OR1L6: variants seen among roughly 807,000 people sequenced by gnomAD.
The protein encoded by OR1L6 is olfactory receptor family 1 subfamily L member 6.
Under a neutral mutation model 3.0 loss-of-function variants are expected in OR1L6, and 2 were observed. The observed-to-expected ratio is 0.68, with a 90% CI of 0.28 to 2.13. The LOEUF is 2.13. OR1L6 is among the 30% of genes most tolerant of loss of function. OR1L6 has a pLI of 0.14. For synonymous variants in OR1L6, 121 were observed against 148.4 expected (o/e 0.82, Z 1.34); for missense variants, 304 against 378.4 (o/e 0.80, Z 1.63).
chr9:122,750,007 C>T lies in OR1L6; in HGVS notation c.160C>T (p.Pro54Ser), dbSNP rs1828874347. Residue 54 changes from proline to serine, a missense_variant, in exon 2 of 2, where the codon CCC becomes TCC. Pro to Ser is a moderately conservative substitution (Grantham distance 74, BLOSUM62 -1). This residue lies in a region of OR1L6 where 192 missense variants were observed against 242.7 expected (regional missense o/e 0.79). Coordinates refer to ENST00000304720, the MANE Select transcript of OR1L6 (RefSeq NM_001004453.3). ...CATCATCCCGGCCATCTACTCTGAC[C>T]CCAGGCTCCACACCCCTATGTACTT... ...VLIIPAIYSD[P>S]RLHTPMYFFL... is the part of the protein sequence containing the mutation. 1.2e-6 allele frequency: 2 copies of T among 1,614,110 alleles called. No individual in the cohort carries two copies. The highest frequency in any genetic ancestry group is 2.2e-5 in the South Asian group (2 of 91,070).
At position 122,750,732 on chromosome 9, in the gene OR1L6, C is replaced by A. The variant is rs758814248; in HGVS notation, c.885C>A (p.Asn295Lys). The A allele has an allele frequency of 6.2e-7, 1 of 1,612,354 alleles. No homozygotes were observed. Among genetic ancestry groups the A allele is most frequent in the East Asian group, 2.2e-5 (1 of 44,864 alleles). Residue 295 changes from asparagine (N) to lysine (K), a missense_variant, in exon 2 of 2, where the codon AAC (asparagine) becomes AAA (lysine). Physicochemically the swap from Asn to Lys is moderately conservative, Grantham distance 94. Around this residue, in one of 3 missense-constraint regions of OR1L6, gnomAD observed 91 missense variants for 87.8 expected, o/e 1.04. Coordinates refer to ENST00000304720, the MANE Select transcript of OR1L6 (RefSeq NM_001004453.3). Reference protein sequence around the residue: ...MLNPFIYSLRNKDMKRGLKKL... With the variant: ...MLNPFIYSLRKKDMKRGLKKL... ...ACCCTTTCATCTACAGCCTGAGGAACAAAGATATGAAGAGGGGTTTGAAGA... is the reference window on the plus strand; with the variant it reads ...ACCCTTTCATCTACAGCCTGAGGAAAAAAGATATGAAGAGGGGTTTGAAGA...
chr9:122,744,823 C>T (rs906830512), intron 1 of OR1L6, among the ~76,000 whole-genome samples: 2 of 152,226 alleles, frequency 1.3e-5, no homozygotes, highest in African/African-American at 4.8e-5. Flanking sequence ...TGTGCACCAT[C>T]ATCTATTTGG....
At position 122,750,700 on chromosome 9, in the gene OR1L6, A is replaced by C; in HGVS notation, c.853A>C (p.Met285Leu). Reference sequence around the variant, plus strand: ...AGTTATGTACACAGTAGTGACACCCATGCTGAACCCTTTCATCTACAGCCT... The same window carrying C: ...AGTTATGTACACAGTAGTGACACCCCTGCTGAACCCTTTCATCTACAGCCT... The part of the protein sequence containing the change: ...ATVMYTVVTP[M>L]LNPFIYSLRN... Residue 285 changes from methionine to leucine, a missense_variant, in exon 2 of 2, where the codon ATG becomes CTG. By Grantham distance (15) the Met-to-Leu change is conservative. This residue lies in a region of OR1L6 where 91 missense variants were observed against 87.8 expected (regional missense o/e 1.04). Transcript: ENST00000304720. The C allele has an allele frequency of 6.2e-7, 1 of 1,613,806 alleles. No homozygotes were observed. Among genetic ancestry groups the C allele is most frequent in the Non-Finnish European group, 8.5e-7 (1 of 1,180,026 alleles).
At chr9:122,745,517 A>G (rs1405560839) in intron 1 of OR1L6, among the ~76,000 whole-genome samples, 1 of 138,066 alleles carries the variant, frequency 7.2e-6, no homozygotes, top group East Asian at 2.3e-4. Context: ...GGTTCAAGCC[A>G]TTCTCCTGCC....
chr9:122,749,995 A>G lies in OR1L6; in HGVS notation c.148A>G (p.Ile50Val). 1 of 1,614,082 alleles carries G rather than the reference A, an allele frequency of 6.2e-7. No homozygotes were observed. Among genetic ancestry groups the G allele is most frequent in the Non-Finnish European group, 8.5e-7 (1 of 1,180,006 alleles). The change falls in exon 2 of 2, where the codon ATC (isoleucine) becomes GTC (valine). Residue 50 changes from isoleucine to valine, a missense_variant. Ile to Val is a conservative substitution (Grantham distance 29). Around this residue, in one of 3 missense-constraint regions of OR1L6, gnomAD observed 192 missense variants for 242.7 expected, o/e 0.79. Coordinates refer to ENST00000304720, the MANE Select transcript of OR1L6 (RefSeq NM_001004453.3). ...GGGGAATGTGCTCATCATCCCGGCC[A>G]TCTACTCTGACCCCAGGCTCCACAC... Reference protein sequence around the residue: ...AVGNVLIIPAIYSDPRLHTPM... With the variant: ...AVGNVLIIPAVYSDPRLHTPM...
Position 122,743,797 on chromosome 9 carries a change from C to T in OR1L6, c.-14+1424C>T, listed in dbSNP as rs553524348. On this transcript the variant is annotated intron_variant, in intron 1 of 1. Transcript: ENST00000304720. ...CTTTGTGGAATTGGAGGCAGAAATGCGTGTAGGAAGGAAGGAAATCAAAAG... is the reference window on the plus strand; with the variant it reads ...CTTTGTGGAATTGGAGGCAGAAATGTGTGTAGGAAGGAAGGAAATCAAAAG... Among the ~76,000 whole-genome samples, 11 of 152,098 alleles carry T rather than the reference C, an allele frequency of 7.2e-5. No homozygotes were observed. The South Asian group carries it at 2.1e-3, about 29-fold the overall frequency.
At chr9:122,745,408 C>CTTT (rs71892392) in intron 1 of OR1L6, among the ~76,000 whole-genome samples, 4,803 of 87,568 alleles carry the variant, frequency 0.055, 795 homozygotes, top group Middle Eastern at 0.091. Context: ...ATAAACACAC[C>CTTT]TTTTTTTTTT....
intron 1 of OR1L6, among the ~76,000 whole-genome samples, chr9:122,744,606 T>C (rs1012613873): frequency 5.3e-5 from 8 of 152,190 alleles, no homozygotes; most frequent in African/African-American, 1.9e-4. Flanking sequence ...TGATGTGACT[T>C]AGAAGGCTTA....
chr9:122,746,868 C>T lies in OR1L6; in HGVS notation c.-13-2967C>T, dbSNP rs906443690. ...TTGGTAACTGTGTTGCAAATATTTTCATTGAGTCAATAGTTTCTATTTTAG... is the reference window on the plus strand; with the variant it reads ...TTGGTAACTGTGTTGCAAATATTTTTATTGAGTCAATAGTTTCTATTTTAG... On this transcript the variant is annotated intron_variant, in intron 1 of 1. Coordinates refer to ENST00000304720, the MANE Select transcript of OR1L6 (RefSeq NM_001004453.3). Among the ~76,000 whole-genome samples, 3 of 152,148 alleles carry T rather than the reference C, an allele frequency of 2.0e-5. No homozygotes were observed. In the South Asian group the frequency reaches 6.2e-4, roughly 31 times the overall value.
At chr9:122,746,812 A>G (rs1167294902) in intron 1 of OR1L6, among the ~76,000 whole-genome samples, 7 of 152,274 alleles carry the variant, frequency 4.6e-5, no homozygotes, top group South Asian at 2.1e-4. Context: ...CTGATTATCA[A>G]TTATGCTGAT....
intron 1 of OR1L6, among the ~76,000 whole-genome samples, chr9:122,743,117 G>A (rs1392978184): frequency 6.6e-6 from 1 of 152,246 alleles, no homozygotes; most frequent in Non-Finnish European, 1.5e-5. Context: ...TGTATTAGCA[G>A]TTGCACTTAT....
chr9:122,750,661 G>A lies in OR1L6; in HGVS notation c.814G>A (p.Asp272Asn), dbSNP rs1377778768. 4 of 1,613,984 alleles carry A rather than the reference G, an allele frequency of 2.5e-6. No homozygotes were observed. The highest frequency in any genetic ancestry group is 3.4e-6 in the Non-Finnish European group (4 of 1,180,046). ...CCTGTCCATGTACTCAGTGGTTAGG[G>A]ACCGGGTAGCCACAGTTATGTACAC... The part of the protein sequence containing the change: ...RPLSMYSVVR[D>N]RVATVMYTVV... The change falls in exon 2 of 2, where the codon GAC becomes AAC. Residue 272 changes from aspartate to asparagine, a missense_variant. Physicochemically the swap from Asp to Asn is conservative, Grantham distance 23 (BLOSUM62 1). Around this residue, in one of 3 missense-constraint regions of OR1L6, gnomAD observed 91 missense variants for 87.8 expected, o/e 1.04. Coordinates refer to ENST00000304720, the MANE Select transcript of OR1L6 (RefSeq NM_001004453.3).
intron 1 of OR1L6, among the ~76,000 whole-genome samples, chr9:122,749,179 C>T (rs1414764719): frequency 6.6e-6 from 1 of 152,210 alleles, no homozygotes; most frequent in Admixed American, 6.5e-5. Context: ...ATTTTGAAGT[C>T]AGGTAATGTG....
At chr9:122,746,594 A>G (rs1045478792) in intron 1 of OR1L6, among the ~76,000 whole-genome samples, 1 of 152,190 alleles carries the variant, frequency 6.6e-6, no homozygotes, top group African/African-American at 2.4e-5. Context: ...TGATATACAA[A>G]TATTACTATT....
chr9:122,742,384 T>C lies in OR1L6; in HGVS notation c.-14+11T>C, dbSNP rs982986394. 1.9e-4 allele frequency: 29 copies of C among 152,206 alleles called. No homozygotes were observed. The highest frequency in any genetic ancestry group is 6.8e-4 in the African/African-American group (28 of 41,440). The allele number at this position is 152,206 out of a possible 1,614,324, so 9.4% of individuals were successfully genotyped here. On this transcript the variant is annotated intron_variant, in intron 1 of 1. Coordinates refer to ENST00000304720, the MANE Select transcript of OR1L6 (RefSeq NM_001004453.3). Reference sequence around the variant, plus strand: ...TTGTCAAGCCCACAGGTAGGCACACTGAGGGGACTTGATAATGGGAACTGT... The same window carrying C: ...TTGTCAAGCCCACAGGTAGGCACACCGAGGGGACTTGATAATGGGAACTGT...
Position 122,750,579 on chromosome 9 carries a change from C to T in OR1L6, c.732C>T (p.Ser244=). The T allele has an allele frequency of 1.9e-6, 3 of 1,613,946 alleles. No homozygotes were observed. Among genetic ancestry groups the T allele is most frequent in the Non-Finnish European group, 2.5e-6 (3 of 1,179,966 alleles). ...GKWKAFSTCG[S]HLTAVALFYG... is the part of the protein sequence containing the mutation. ...GGAAGGCCTTCTCTACCTGTGGCTC[C>T]CACCTCACTGCAGTAGCCCTTTTCT... The change falls in exon 2 of 2, where the codon TCC becomes TCT. Residue 244 remains serine, a synonymous_variant. Transcript: ENST00000304720.
At chr9:122,745,074 C>T (rs1588013996) in intron 1 of OR1L6, among the ~76,000 whole-genome samples, 1 of 152,128 alleles carries the variant, frequency 6.6e-6, no homozygotes, top group South Asian at 2.1e-4. Context: ...AAGTACATTG[C>T]CTAAGAGTGA....
At position 122,750,276 on chromosome 9, in the gene OR1L6, G is replaced by C; in HGVS notation, c.429G>C (p.Leu143=). The change falls in exon 2 of 2, where the codon CTG becomes CTC. Residue 143 remains leucine (L), a synonymous_variant. Coordinates refer to ENST00000304720, the MANE Select transcript of OR1L6 (RefSeq NM_001004453.3). ...YDVVMKPRHC[L]LMLLGSCSIS... is the part of the protein sequence containing the mutation. Reference sequence around the variant, plus strand: ...TGGTTATGAAACCACGGCATTGCCTGCTCATGCTATTGGGTTCTTGCAGCA... The same window carrying C: ...TGGTTATGAAACCACGGCATTGCCTCCTCATGCTATTGGGTTCTTGCAGCA... The C allele has an allele frequency of 6.2e-7, 1 of 1,614,010 alleles. No homozygotes were observed. Among genetic ancestry groups the C allele is most frequent in the South Asian group, 1.1e-5 (1 of 91,062 alleles).
Position 122,745,506 on chromosome 9 carries a change from A to G in OR1L6, c.-14+3133A>G, listed in dbSNP as rs566206277. Among the ~76,000 whole-genome samples, 793 of 127,646 alleles carry G rather than the reference A, an allele frequency of 6.2e-3. 32 individuals carry two copies. The Admixed American group carries it at 0.074, about 12-fold the overall frequency. 83.7% of individuals were successfully genotyped at this position (127,646 alleles called of 152,430 possible). A position where few individuals can be genotyped will look rare whatever the true frequency, so the allele number is the denominator to read the frequency against. On this transcript the variant is annotated intron_variant, in intron 1 of 1. Coordinates refer to ENST00000304720, the MANE Select transcript of OR1L6 (RefSeq NM_001004453.3). Reference sequence around the variant, plus strand: ...CGGCTCACTGCAAGCTCCGCCTCCCAGGTTCAAGCCATTCTCCTGCCTCAG... The same window carrying G: ...CGGCTCACTGCAAGCTCCGCCTCCCGGGTTCAAGCCATTCTCCTGCCTCAG...
Sources: allele counts gnomAD v4.1 joint callset (sites outside exome capture counted in the v4.1 genomes callset), GRCh38; gene constraint gnomAD v4.1.1; regional missense constraint gnomAD v4.1.1; transcripts MANE v1.5; gene names NCBI Gene and HGNC (gene_info 2026-07-23, HGNC 2026-07-21).